The following SORCS2 variants were observed in gnomAD, a reference collection of about 807,000 sequenced individuals.
SORCS2 encodes sortilin related VPS10 domain containing receptor 2.
In SORCS2, 100 loss-of-function variants were observed where a neutral mutation model predicts 141.6. The observed-to-expected ratio is 0.71, with a 90% CI of 0.60 to 0.83. SORCS2 has a LOEUF of 0.83. Among genes scored for constraint, SORCS2 ranks in the 40% least tolerant of loss-of-function variants. The probability of loss-of-function intolerance (pLI) is 0.00; values close to 1 mark genes in which losing one functional copy is unlikely to be tolerated. For synonymous variants in SORCS2, 789 were observed against 676.9 expected (o/e 1.17, Z -2.57); for missense variants, 1,646 against 1,560.2 (o/e 1.05, Z -0.93).
intron 2 of SORCS2, among the ~76,000 whole-genome samples, chr4:7,437,504 G>A (rs1727386236): frequency 6.6e-6 from 1 of 152,104 alleles, no homozygotes; most frequent in South Asian, 2.1e-4. Flanking sequence ...GCCAGGGGGT[G>A]GGGCTGGAAG....
At chr4:7,698,396 C>T (rs4585302) in intron 12 of SORCS2, among the ~76,000 whole-genome samples, 26,150 of 152,122 alleles carry the variant, frequency 0.17, 2,580 homozygotes, top group African/African-American at 0.26. Context: ...AAGGCCTTGA[C>T]GTTTTTTAAA....
intron 2 of SORCS2, among the ~76,000 whole-genome samples, chr4:7,487,767 C>T (rs1731081667): frequency 6.6e-6 from 1 of 152,216 alleles, no homozygotes; most frequent in Non-Finnish European, 1.5e-5. Flanking sequence ...TTCTCTGCAT[C>T]TCTTTCTCTC....
chr4:7,564,463 C>T (rs1045531805), intron 3 of SORCS2, among the ~76,000 whole-genome samples: 8 of 152,206 alleles, frequency 5.3e-5, no homozygotes, highest in Admixed American at 1.3e-4. Context: ...GGGCCCACTC[C>T]GATGACCTTG....
intron 3 of SORCS2, among the ~76,000 whole-genome samples, chr4:7,612,511 G>A (rs974340407): frequency 3.3e-5 from 5 of 152,068 alleles, no homozygotes; most frequent in Admixed American, 1.3e-4. Flanking sequence ...GGGTGTGGCC[G>A]GGCTTGGGCT....
intron 3 of SORCS2, among the ~76,000 whole-genome samples, chr4:7,562,393 G>A (rs943994476): frequency 6.6e-6 from 1 of 152,132 alleles, no homozygotes; most frequent in African/African-American, 2.4e-5. Context: ...CAAGGAGGAG[G>A]GATGGCCTGG....
At chr4:7,444,624 A>G (rs1459190802) in intron 2 of SORCS2, among the ~76,000 whole-genome samples, 1 of 152,086 alleles carries the variant, frequency 6.6e-6, no homozygotes, top group African/African-American at 2.4e-5. Context: ...TCTTCCTCTG[A>G]GGGTAGTGGG....
chr4:7,488,062 C>T (rs1020258913), intron 2 of SORCS2, among the ~76,000 whole-genome samples: 5 of 152,162 alleles, frequency 3.3e-5, no homozygotes, highest in Non-Finnish European at 2.9e-5. Context: ...TAAGGTAATG[C>T]GCATCTCCCG....
intron 1 of SORCS2, among the ~76,000 whole-genome samples, chr4:7,370,071 C>T (rs570606803): frequency 6.9e-4 from 105 of 152,316 alleles, no homozygotes; most frequent in African/African-American, 2.5e-3. Context: ...GCCTCAGTGC[C>T]CCCCCAGCTT....
At chr4:7,595,284 C>T (rs767138902) in intron 3 of SORCS2, among the ~76,000 whole-genome samples, 1 of 152,224 alleles carries the variant, frequency 6.6e-6, no homozygotes, top group Non-Finnish European at 1.5e-5. Flanking sequence ...AGCCGTGCCA[C>T]CCTCGAAGCA....
At chr4:7,712,898 G>A (rs1018025292) in intron 15 of SORCS2, 45 bp downstream of exon 15, 2 of 1,604,862 alleles carry the variant, frequency 1.2e-6, no homozygotes, top group Non-Finnish European at 1.7e-6. Flanking sequence ...GGTACAGACT[G>A]CAAACACAGG....
chr4:7,629,206 A>G (rs1440252297), intron 3 of SORCS2, among the ~76,000 whole-genome samples: 1 of 152,234 alleles, frequency 6.6e-6, no homozygotes, highest in East Asian at 1.9e-4. Flanking sequence ...TCAAAATAGC[A>G]CATCGTAACC....
rs1220629379 is a variant in SORCS2 at position 7,396,305 on chromosome 4, G to A, written c.498G>A (p.Thr166=). 3.1e-6 allele frequency: 5 copies of A among 1,613,854 alleles called. No individual in the cohort carries two copies. The highest frequency in any genetic ancestry group is 2.2e-5 in the East Asian group (1 of 44,864). ...CACCACAGGTGATCTTGATCCTGAC[G>A]AAGTACTACCACGCAGACATGGGGA... is the stretch of plus-strand genomic sequence containing the variant. ...GENSSVILIL[T]KYYHADMGKV... The change falls in exon 2 of 27, where the codon ACG becomes ACA. Residue 166 remains threonine (T), a synonymous_variant. Coordinates refer to ENST00000507866, the MANE Select transcript of SORCS2 (RefSeq NM_020777.3).
intron 1 of SORCS2, among the ~76,000 whole-genome samples, chr4:7,373,484 T>TTTC (rs1722408995): frequency 4.7e-5 from 1 of 21,398 alleles, no homozygotes; most frequent in Non-Finnish European, 1.1e-4. Context: ...ATATATTTTT[T>TTTC]TTTTTTTTTT....
intron 1 of SORCS2, among the ~76,000 whole-genome samples, chr4:7,215,943 G>C (rs61358614): frequency 0.31 from 47,074 of 150,238 alleles, 8,091 homozygotes; most frequent in Non-Finnish European, 0.38. Context: ...ATAAAAGCAG[G>C]CTGCCGGAGC....
At chr4:7,443,441 A>T (rs111980332) in intron 2 of SORCS2, among the ~76,000 whole-genome samples, 1,638 of 152,206 alleles carry the variant, frequency 0.011, 35 homozygotes, top group African/African-American at 0.037. Context: ...ATGGAGCCTC[A>T]ACCCCCTGAG....
intron 1 of SORCS2, among the ~76,000 whole-genome samples, chr4:7,210,144 G>A (rs1157557937): frequency 2.6e-5 from 4 of 152,196 alleles, no homozygotes; most frequent in Admixed American, 6.5e-5. Context: ...AGAGAAGGAC[G>A]TCATCAGCCT....
In SORCS2 at chr4:7,580,332, A is replaced by G. The variant is rs1716059226; in HGVS notation, c.648+48703A>G. On this transcript the variant is annotated intron_variant, in intron 3 of 26. Coordinates refer to ENST00000507866, the MANE Select transcript of SORCS2 (RefSeq NM_020777.3). ...CCCCATCTCTACTAAAAAGATGCAG[A>G]AAACAAAAATAGCTAAGCATGGTGG... Among the ~76,000 whole-genome samples, 2 of 152,234 alleles carry G rather than the reference A, an allele frequency of 1.3e-5. 1 individual carries two copies. The highest frequency in any genetic ancestry group is 4.2e-4 in the South Asian group (2 of 4,810).
chr4:7,433,810 T>A, intron 2 of SORCS2: 1 of 1,613,700 alleles, frequency 6.2e-7, no homozygotes, highest in Non-Finnish European at 8.5e-7. Flanking sequence ...GCACACCTTC[T>A]CTGGGGTGAT....
chr4:7,539,844 C>T (rs1218934334), intron 3 of SORCS2, among the ~76,000 whole-genome samples: 1 of 151,012 alleles, frequency 6.6e-6, no homozygotes, highest in East Asian at 2.0e-4. Flanking sequence ...TGTGGCTGCT[C>T]CGCCCCATTC....
Sources: gnomAD v4.1 joint callset for allele counts (sites outside exome capture counted in the v4.1 genomes callset) on GRCh38, gnomAD v4.1.1 for gene constraint, MANE v1.5 for transcripts, NCBI Gene and HGNC (gene_info 2026-07-23, HGNC 2026-07-21) for gene names.